The following WNT3A variants were observed in gnomAD, a reference collection of about 807,000 sequenced individuals.
WNT3A encodes Wnt family member 3A, also known as protein Wnt-3a.
A neutral mutation model predicts 37.0 loss-of-function variants in WNT3A; 17 were observed. The observed-to-expected ratio is 0.46, with a 90% CI of 0.31 to 0.69. WNT3A has a LOEUF of 0.69. WNT3A is among the 30% of genes least tolerant of loss of function. WNT3A has a pLI of 0.05. For synonymous variants in WNT3A, 187 were observed against 211.0 expected, an observed-to-expected ratio of 0.89 and a Z score of 0.99; for missense variants, 411 against 510.2, an observed-to-expected ratio of 0.81 and a Z score of 1.87.
chr1:228,032,164 A>G (rs550715864), intron 2 of WNT3A, among the ~76,000 whole-genome samples: 3 of 152,356 alleles, frequency 2.0e-5, no homozygotes, highest in South Asian at 4.1e-4. Context: ...CATGGACGGC[A>G]TCAGCTCACT....
At position 228,059,046 on chromosome 1, in the gene WNT3A, G is replaced by A; in HGVS notation, c.640G>A (p.Val214Met). 6.2e-7 allele frequency: 1 copy of A among 1,613,552 alleles called. No homozygotes were observed. The highest frequency in any genetic ancestry group is 1.1e-5 in the South Asian group (1 of 91,086). Residue 214 changes from valine to methionine, a missense_variant, in exon 4 of 4, where the codon GTG (valine) becomes ATG (methionine). Coordinates refer to ENST00000284523, the MANE Select transcript of WNT3A (RefSeq NM_033131.4). Reference sequence around the variant, plus strand: ...CCACGGGCTGTCGGGCAGCTGCGAGGTGAAGACATGCTGGTGGTCGCAACC... The same window carrying A: ...CCACGGGCTGTCGGGCAGCTGCGAGATGAAGACATGCTGGTGGTCGCAACC... ...KCHGLSGSCEVKTCWWSQPDF... is the reference protein window; with the variant it reads ...KCHGLSGSCEMKTCWWSQPDF...
At chr1:228,047,043 C>CCCCAG (rs1339246670) in intron 2 of WNT3A, among the ~76,000 whole-genome samples, 5 of 152,230 alleles carry the variant, frequency 3.3e-5, no homozygotes, top group Non-Finnish European at 4.4e-5. Flanking sequence ...GGCTGAGAGG[C>CCCCAG]CCCAGGGCCA....
intron 3 of WNT3A, among the ~76,000 whole-genome samples, chr1:228,054,274 G>A (rs1402140784): frequency 6.6e-6 from 1 of 152,172 alleles, no homozygotes; most frequent in Non-Finnish European, 1.5e-5. Flanking sequence ...ATCCTCTTTG[G>A]AGAAGGATGA....
chr1:228,058,698 C>T (rs553646111), intron 3 of WNT3A, among the ~76,000 whole-genome samples: 17 of 152,380 alleles, frequency 1.1e-4, no homozygotes, highest in Non-Finnish European at 2.4e-4. Flanking sequence ...CGCTGCAGCT[C>T]TGTCCTTCAT....
At chr1:228,030,605 G>T (rs1430437586) in intron 2 of WNT3A, among the ~76,000 whole-genome samples, 2 of 152,108 alleles carry the variant, frequency 1.3e-5, no homozygotes, top group Non-Finnish European at 2.9e-5. Flanking sequence ...TTTATGAGCT[G>T]CCTGGCTATG....
chr1:228,055,110 G>A lies in WNT3A; in HGVS notation c.580-3876G>A, dbSNP rs1327744100. On this transcript the variant is annotated intron_variant, in intron 3 of 3. Coordinates refer to ENST00000284523, the MANE Select transcript of WNT3A (RefSeq NM_033131.4). Reference sequence around the variant, plus strand: ...GAGTGCACCATTACACTCCAGCCTGGGCAGTTTTTTTTTTGGAAACTGGGA... The same window carrying A: ...GAGTGCACCATTACACTCCAGCCTGAGCAGTTTTTTTTTTGGAAACTGGGA... Among the ~76,000 whole-genome samples the A allele has an allele frequency of 2.9e-5, 4 of 139,178 alleles. No individual in the cohort carries two copies. In the East Asian group the frequency reaches 6.2e-4, roughly 22 times the overall value. The allele number at this position is 139,178 out of a possible 152,430, so 91.3% of individuals were successfully genotyped here. A position where few individuals can be genotyped will look rare whatever the true frequency, so the allele number is the denominator to read the frequency against.
In WNT3A at chr1:228,008,212, G is replaced by A. The variant is rs931167083; in HGVS notation, c.71+1013G>A. Among the ~76,000 whole-genome samples the A allele has an allele frequency of 2.0e-5, 3 of 152,180 alleles. No individual in the cohort carries two copies. The highest frequency in any genetic ancestry group is 7.2e-5 in the African/African-American group (3 of 41,442). On this transcript the variant is annotated intron_variant, in intron 1 of 3. Transcript: ENST00000284523. This position sits in a 1 kb window ranked among gnomAD's most constrained non-coding sequence, Gnocchi z 4.9. ...CAAGTGGGAGGAATGTGGGCGCGCA[G>A]GGCCGGGCGCAGCGCTGGTAGGACC...
intron 1 of WNT3A, among the ~76,000 whole-genome samples, chr1:228,010,470 T>C (rs2030336804): frequency 6.6e-6 from 1 of 152,208 alleles, no homozygotes; most frequent in South Asian, 2.1e-4. Flanking sequence ...CCGTTCTCAG[T>C]CCTGGCCCTC....
rs2030990207 is a variant in WNT3A at position 228,031,052 on chromosome 1, G to T, written c.313+8144G>T. Among the ~76,000 whole-genome samples, 1 of 152,216 alleles carries T rather than the reference G, an allele frequency of 6.6e-6. No homozygotes were observed. Among genetic ancestry groups the T allele is most frequent in the South Asian group, 2.1e-4 (1 of 4,832 alleles). ...TGGGGCCTGGCTGAGGCCATCCATG[G>T]GCAGGAGCCCTCCAGCATCCAGTGG... On this transcript the variant is annotated intron_variant, in intron 2 of 3. Coordinates refer to ENST00000284523, the MANE Select transcript of WNT3A (RefSeq NM_033131.4). This position sits in a 1 kb window ranked among gnomAD's most constrained non-coding sequence, Gnocchi z 4.8.
rs570303264 is a variant in WNT3A at position 228,039,244 on chromosome 1, G to T, written c.314-11412G>T. 6.6e-6 allele frequency among the ~76,000 whole-genome samples: 1 copy of T among 152,178 alleles called. No homozygotes were observed. The highest frequency in any genetic ancestry group is 2.4e-5 in the African/African-American group (1 of 41,438). On this transcript the variant is annotated intron_variant, in intron 2 of 3. Transcript: ENST00000284523. This position sits in a 1 kb window ranked among gnomAD's most constrained non-coding sequence, Gnocchi z 4.1. The stretch of plus-strand genomic sequence containing the variant: ...AGACTGGGCAAAGGCGGCATCCCAA[G>T]CTCCTAGGAAAGGAGGTGTCAGCTG...
chr1:228,051,915 C>G (rs1331696914), intron 3 of WNT3A, among the ~76,000 whole-genome samples: 3 of 152,144 alleles, frequency 2.0e-5, no homozygotes, highest in Admixed American at 6.5e-5. Context: ...CTTGTGTGAA[C>G]TCACTCATTA....
chr1:228,017,493 G>A (rs1359654459), intron 1 of WNT3A, among the ~76,000 whole-genome samples: 1 of 152,110 alleles, frequency 6.6e-6, no homozygotes, highest in Non-Finnish European at 1.5e-5. Flanking sequence ...CGGGAGGATG[G>A]CTTGAGTCCA....
At chr1:228,035,100 A>G (rs1338414376) in intron 2 of WNT3A, among the ~76,000 whole-genome samples, 1 of 152,172 alleles carries the variant, frequency 6.6e-6, no homozygotes, top group African/African-American at 2.4e-5. Flanking sequence ...CCTAAGGACA[A>G]TGGTGCATGA....
At chr1:228,035,685 G>T (rs145770386) in intron 2 of WNT3A, among the ~76,000 whole-genome samples, 1 of 152,190 alleles carries the variant, frequency 6.6e-6, no homozygotes, top group Admixed American at 6.5e-5. Flanking sequence ...CAGATGCCCA[G>T]GTCCTGCCCT....
At chr1:228,022,963 C>G in intron 2 of WNT3A, 55 bp downstream of exon 2, 1 of 1,550,428 alleles carries the variant, frequency 6.4e-7, no homozygotes, top group Non-Finnish European at 8.7e-7. Context: ...CAGAGTCTCC[C>G]GCCTAGCGCT....
At position 228,059,401 on chromosome 1, in the gene WNT3A, A is replaced by T. The variant is rs779887551; in HGVS notation, c.995A>T (p.His332Leu). ...CGGGAGAAGTGCCGCTGCGTGTTCC[A>T]CTGGTGCTGCTACGTCAGCTGCCAG... ...RRREKCRCVFHWCCYVSCQEC... is the reference protein window; with the variant it reads ...RRREKCRCVFLWCCYVSCQEC... Residue 332 changes from histidine (H) to leucine (L), a missense_variant, in exon 4 of 4, where the codon CAC (histidine) becomes CTC (leucine). By Grantham distance (99) the His-to-Leu change is moderately conservative. Transcript: ENST00000284523. The T allele has an allele frequency of 2.6e-6, 4 of 1,560,870 alleles. No homozygotes were observed. In the South Asian group the frequency reaches 4.7e-5, roughly 18 times the overall value.
chr1:228,035,168 G>A (rs1270907079), intron 2 of WNT3A, among the ~76,000 whole-genome samples: 3 of 152,150 alleles, frequency 2.0e-5, no homozygotes, highest in Admixed American at 1.3e-4. Flanking sequence ...GAATCTTGAA[G>A]GATTTTCTTC....
rs2031746002 is a variant in WNT3A, at chr1:228,059,345, C to T, written c.939C>T (p.Gly313=). The change falls in exon 4 of 4, where the codon GGC becomes GGT. Residue 313 remains glycine (G), a synonymous_variant. Coordinates refer to ENST00000284523, the MANE Select transcript of WNT3A (RefSeq NM_033131.4). ...GIDGCDLLCC[G]RGHNARAERR... is the part of the protein sequence containing the mutation. ...ACGGCTGCGACCTGCTGTGCTGCGG[C>T]CGCGGCCACAACGCGCGAGCGGAGC... The T allele has an allele frequency of 2.6e-6, 4 of 1,566,900 alleles. No homozygotes were observed. The Admixed American group carries it at 5.5e-5, about 22-fold the overall frequency.
chr1:228,052,982 G>T (rs1197199442), intron 3 of WNT3A, among the ~76,000 whole-genome samples: 1 of 152,212 alleles, frequency 6.6e-6, no homozygotes, highest in Non-Finnish European at 1.5e-5. Context: ...GTGTTTAGGT[G>T]ATGAGGGCCT....
Sources: gnomAD v4.1 joint callset for allele counts (sites outside exome capture counted in the v4.1 genomes callset) on GRCh38, gnomAD v4.1.1 for gene constraint, Gnocchi (gnomAD v3.1) non-coding constraint, MANE v1.5 for transcripts, NCBI Gene and HGNC (gene_info 2026-07-23, HGNC 2026-07-21) for gene names.